PIAS1: variants seen among roughly 807,000 people sequenced by gnomAD.
PIAS1 encodes E3 SUMO-protein ligase PIAS1.
In PIAS1, 6 loss-of-function variants were observed where a neutral mutation model predicts 71.3. The ratio of observed to expected loss-of-function variants is 0.08; its 90% CI spans 0.05 to 0.17. PIAS1 has a LOEUF of 0.17. Ranked by LOEUF, PIAS1 falls within the 10% of genes least tolerant of loss-of-function variation. PIAS1 has a pLI of 1.00. For missense variants in PIAS1, 555 were observed against 793.6 expected (o/e 0.70, Z 3.61); for synonymous variants, 303 against 292.9 (o/e 1.03, Z -0.35).
rs2093031924 is a variant in PIAS1 at position 68,178,175 on chromosome 15, G to A, written c.1481+1521G>A. On this transcript the variant is annotated intron_variant, in intron 11 of 13. Transcript: ENST00000249636. The surrounding 1 kb of genome is among the most constrained non-coding windows in gnomAD (Gnocchi z 4.2). ...GTCCCAACTACTCGGAGGGCTGATG[G>A]GGGAGGATCACTTGAACCTGGGAGG... Among the ~76,000 whole-genome samples the A allele has an allele frequency of 6.6e-6, 1 of 152,120 alleles. No individual in the cohort carries two copies.
chr15:68,066,387 G>A (rs1024520685), intron 1 of PIAS1, among the ~76,000 whole-genome samples: 1 of 152,120 alleles, frequency 6.6e-6, no homozygotes, highest in African/African-American at 2.4e-5. Flanking sequence ...GGGATTACAG[G>A]TGTGAGCCAC....
chr15:68,115,478 A>G (rs76300011), intron 2 of PIAS1, among the ~76,000 whole-genome samples: 1 of 152,072 alleles, frequency 6.6e-6, no homozygotes, highest in Non-Finnish European at 1.5e-5. Context: ...AATTTTCTAC[A>G]TAGGTCATAT....
intron 2 of PIAS1, among the ~76,000 whole-genome samples, chr15:68,132,907 T>C (rs963544755): frequency 6.6e-6 from 1 of 152,090 alleles, no homozygotes; most frequent in Non-Finnish European, 1.5e-5. Context: ...TTCCTATTTC[T>C]TATCCCATTC....
At chr15:68,110,551 G>A (rs1443043281) in intron 2 of PIAS1, among the ~76,000 whole-genome samples, 3 of 151,944 alleles carry the variant, frequency 2.0e-5, no homozygotes, top group East Asian at 3.9e-4. Context: ...AGGCAAGATC[G>A]CACCATTGCA....
At chr15:68,135,677 C>T in intron 2 of PIAS1, among the ~76,000 whole-genome samples, 1 of 71,460 alleles carries the variant, frequency 1.4e-5, no homozygotes, top group Non-Finnish European at 4.1e-5. Flanking sequence ...GGCTGACCCC[C>T]ACCTCCCTCC....
intron 12 of PIAS1, 29 bp from the exon 13 acceptor site, chr15:68,183,601 T>C: frequency 1.0e-6 from 1 of 956,674 alleles, no homozygotes; most frequent in Non-Finnish European, 1.6e-6. Context: ...TCTTTTTTTT[T>C]TAAACTGAAA....
intron 11 of PIAS1, 87 bp downstream of exon 11, chr15:68,176,741 C>A: frequency 1.1e-6 from 1 of 938,040 alleles, no homozygotes; most frequent in South Asian, 1.9e-5. Flanking sequence ...TAAAATGATT[C>A]TTGATTGTGA....
chr15:68,142,623 C>T (rs1433050253), intron 4 of PIAS1, among the ~76,000 whole-genome samples: 1 of 148,982 alleles, frequency 6.7e-6, no homozygotes, highest in African/African-American at 2.5e-5. Context: ...GATTTTTCCC[C>T]TGCCCGCCCA....
intron 8 of PIAS1, among the ~76,000 whole-genome samples, chr15:68,168,075 C>T (rs1446519814): frequency 6.6e-6 from 1 of 151,900 alleles, no homozygotes; most frequent in Non-Finnish European, 1.5e-5. Flanking sequence ...GTGGTGTGAT[C>T]TCAGCTCACT....
chr15:68,186,222 C>G lies in PIAS1; in HGVS notation c.1663-1320C>G, dbSNP rs2093086870. 6.6e-6 allele frequency among the ~76,000 whole-genome samples: 1 copy of G among 152,150 alleles called. No homozygotes were observed. Among genetic ancestry groups the G allele is most frequent in the Non-Finnish European group, 1.5e-5 (1 of 68,030 alleles). On this transcript the variant is annotated intron_variant, in intron 13 of 13. Transcript: ENST00000249636. This position sits in a 1 kb window ranked among gnomAD's most constrained non-coding sequence, Gnocchi z 4.4. The stretch of plus-strand genomic sequence containing the variant: ...CATGCATGCTATTTTCCCTGAAGAC[C>G]ATGCAGTGGGACAAGCTGTGCAGAT...
At chr15:68,117,722 G>A (rs1462190486) in intron 2 of PIAS1, among the ~76,000 whole-genome samples, 1 of 152,102 alleles carries the variant, frequency 6.6e-6, no homozygotes, top group Non-Finnish European at 1.5e-5. Flanking sequence ...ATTCTATCAT[G>A]TCTCCATACC....
chr15:68,099,209 A>C (rs1417836669), intron 2 of PIAS1, among the ~76,000 whole-genome samples: 1 of 150,168 alleles, frequency 6.7e-6, no homozygotes, highest in Non-Finnish European at 1.5e-5. Context: ...TTATGAGCGG[A>C]GTTTTACTCT....
intron 1 of PIAS1, among the ~76,000 whole-genome samples, chr15:68,080,397 A>G (rs2092217908): frequency 6.6e-6 from 1 of 152,192 alleles, no homozygotes; most frequent in Non-Finnish European, 1.5e-5. Context: ...AAGATAATTA[A>G]CTAGAGGAGT....
chr15:68,187,845 C>A lies in PIAS1; in HGVS notation c.*10C>A, dbSNP rs751896177. ...TATTTCATTGGACTGATTCCCAGGC[C>A]CTGCTGCTCCCATCCCCACCCCAGA... On this transcript the variant is annotated 3_prime_UTR_variant, in exon 14 of 14. Transcript: ENST00000249636. This position sits in a 1 kb window ranked among gnomAD's most constrained non-coding sequence, Gnocchi z 5.3. The A allele has an allele frequency of 7.5e-6, 12 of 1,607,570 alleles. No individual in the cohort carries two copies. The highest frequency in any genetic ancestry group is 4.0e-4 in the Middle Eastern group (2 of 4,974).
intron 2 of PIAS1, among the ~76,000 whole-genome samples, chr15:68,106,915 G>C (rs1176218248): frequency 6.6e-6 from 1 of 152,102 alleles, no homozygotes; most frequent in Non-Finnish European, 1.5e-5. Context: ...AGATGATGTT[G>C]GGTTATATTT....
chr15:68,097,219 C>T (rs2092383277), intron 2 of PIAS1, among the ~76,000 whole-genome samples: 1 of 152,042 alleles, frequency 6.6e-6, no homozygotes, highest in Non-Finnish European at 1.5e-5. Context: ...TACACTGAAC[C>T]ATCCTTGCAT....
At chr15:68,120,621 C>T (rs1003039198) in intron 2 of PIAS1, among the ~76,000 whole-genome samples, 1 of 152,048 alleles carries the variant, frequency 6.6e-6, no homozygotes, top group African/African-American at 2.4e-5. Flanking sequence ...GGTCTTTGTG[C>T]TATTCTTGTC....
At chr15:68,115,573 T>G (rs1188115976) in intron 2 of PIAS1, among the ~76,000 whole-genome samples, 1 of 152,142 alleles carries the variant, frequency 6.6e-6, no homozygotes, top group Non-Finnish European at 1.5e-5. Context: ...TTCAGTATAA[T>G]GTTGAATAGA....
chr15:68,140,027 A>C (rs56148008), intron 2 of PIAS1, among the ~76,000 whole-genome samples: 1,630 of 152,304 alleles, frequency 0.011, 14 homozygotes, highest in Middle Eastern at 0.017. Flanking sequence ...AATTAAGCCC[A>C]AAAACTACAA....
Sources: gnomAD v4.1 joint callset for allele counts (sites outside exome capture counted in the v4.1 genomes callset) on GRCh38, gnomAD v4.1.1 for gene constraint, Gnocchi (gnomAD v3.1) non-coding constraint, MANE v1.5 for transcripts, NCBI Gene and HGNC (gene_info 2026-07-23, HGNC 2026-07-21) for gene names.